The following NUP210 variants were observed in gnomAD, a reference collection of about 807,000 sequenced individuals.
NUP210 encodes the protein nuclear pore membrane glycoprotein 210.
A neutral mutation model predicts 196.0 loss-of-function variants in NUP210; 151 were observed. The observed-to-expected ratio is 0.77, with a 90% CI of 0.67 to 0.88. NUP210 has a LOEUF of 0.88. NUP210 is among the 40% of genes least tolerant of loss of function. The pLI, the probability that NUP210 is intolerant of heterozygous loss-of-function variation, is 0.00. For synonymous variants in NUP210, 1,070 were observed against 1,052.7 expected (o/e 1.02, Z -0.32); for missense variants, 2,314 against 2,493.7 (o/e 0.93, Z 1.53).
chr3:13,388,551 G>GGC (rs1699361632), intron 4 of NUP210, 98 bp from the exon 5 acceptor site: 1 of 1,268,676 alleles, frequency 7.9e-7, no homozygotes. Flanking sequence ...CTCCCACTGG[G>GGC]GCTGATGCTG....
chr3:13,391,080 T>G (rs1699474575), intron 4 of NUP210, 131 bp downstream of exon 4: 2 of 659,798 alleles, frequency 3.0e-6, no homozygotes, highest in Admixed American at 4.5e-5. Flanking sequence ...CTCGGAATGT[T>G]ACGGGCATCC....
rs1407875349 is a variant in NUP210, at chr3:13,350,103, C to G, written c.2835+1776G>C. 6.6e-6 allele frequency among the ~76,000 whole-genome samples: 1 copy of G among 152,098 alleles called. No individual in the cohort carries two copies. The highest frequency in any genetic ancestry group is 2.4e-5 in the African/African-American group (1 of 41,400). On this transcript the variant is annotated intron_variant, in intron 20 of 39. Transcript: ENST00000254508. The surrounding 1 kb of genome is among the most constrained non-coding windows in gnomAD (Gnocchi z 4.1). ...AAGCCCTGCAAAGGCCACAGTCATC[C>G]CAGAGTGACAAAGGACATACCAAGG... is the stretch of plus-strand genomic sequence containing the variant.
At position 13,327,337 on chromosome 3, in the gene NUP210, G is replaced by A; in HGVS notation, c.4387C>T (p.His1463Tyr). 6.2e-7 allele frequency: 1 copy of A among 1,613,398 alleles called. No individual in the cohort carries two copies. Among genetic ancestry groups the A allele is most frequent in the African/African-American group, 1.3e-5 (1 of 75,062 alleles). ...LTLLRVWDAE[H>Y]PGLSDFMPLP... ...GGCATGAAGTCCGAGAGGCCCGGGT[G>A]CTCTGCGTCCCACACACGGAGCAGT... is the stretch of plus-strand genomic sequence containing the variant. Residue 1463 changes from histidine to tyrosine, a missense_variant, in exon 32 of 40, where the codon CAC (histidine) becomes TAC (tyrosine). His to Tyr is a moderately conservative substitution (Grantham distance 83, BLOSUM62 2). Transcript: ENST00000254508.
In NUP210 at chr3:13,325,130, C is replaced by T. The variant is rs1377831170; in HGVS notation, c.4644+665G>A. On this transcript the variant is annotated intron_variant, in intron 33 of 39. Transcript: ENST00000254508. ...CATGCTTCTCCCACACCCTCTGTTCCAGCCCCCGAGGCTCTGCCCTTGAAC... is the reference window on the plus strand; with the variant it reads ...CATGCTTCTCCCACACCCTCTGTTCTAGCCCCCGAGGCTCTGCCCTTGAAC... Among the ~76,000 whole-genome samples the T allele has an allele frequency of 5.9e-5, 9 of 152,186 alleles. No homozygotes were observed. The East Asian group carries it at 1.7e-3, about 29-fold the overall frequency.
chr3:13,379,125 T>C lies in NUP210; in HGVS notation c.977-145A>G, dbSNP rs937559015. ...GAAAACTCCCCTGGCTTAGGCCACG[T>C]AGAGCAAAGGCACTTTTCAGAATCA... is the stretch of plus-strand genomic sequence containing the variant. On this transcript the variant is annotated intron_variant, in intron 7 of 39. Transcript: ENST00000254508. The surrounding 1 kb of genome is among the most constrained non-coding windows in gnomAD (Gnocchi z 4.2). 1.9e-5 allele frequency: 13 copies of C among 702,058 alleles called. No individual in the cohort carries two copies. Among genetic ancestry groups the C allele is most frequent in the Non-Finnish European group, 2.6e-5 (10 of 391,286 alleles). 43.5% of individuals were successfully genotyped at this position (702,058 alleles called of 1,614,324 possible). A position where few individuals can be genotyped will look rare whatever the true frequency, so the allele number is the denominator to read the frequency against.
intron 13 of NUP210, 61 bp from the exon 14 acceptor site, chr3:13,366,152 G>C (rs1190206211): frequency 1.3e-5 from 20 of 1,531,048 alleles, no homozygotes; most frequent in Non-Finnish European, 1.7e-5. Flanking sequence ...TTTTTGAGAT[G>C]GAGTCTCGCT....
intron 1 of NUP210, among the ~76,000 whole-genome samples, chr3:13,405,072 A>C (rs911009129): frequency 6.6e-6 from 1 of 152,152 alleles, no homozygotes; most frequent in Non-Finnish European, 1.5e-5. Context: ...TGTGAGGATT[A>C]ACTTTACATG....
chr3:13,385,172 A>T (rs1025779935), intron 6 of NUP210, among the ~76,000 whole-genome samples: 1 of 152,212 alleles, frequency 6.6e-6, no homozygotes, highest in Non-Finnish European at 1.5e-5. Flanking sequence ...GACTGCTCTC[A>T]GTTGAGCAGG....
chr3:13,397,772 A>G (rs995466910), intron 2 of NUP210, among the ~76,000 whole-genome samples: 12 of 152,220 alleles, frequency 7.9e-5, no homozygotes, highest in African/African-American at 2.9e-4. Context: ...AGTTTCGTTC[A>G]GGGTGTAAGC....
Position 13,396,845 on chromosome 3 carries a change from T to C in NUP210, c.436+512A>G, listed in dbSNP as rs185201824. The stretch of plus-strand genomic sequence containing the variant: ...TTCCAGCCTGGAAACAAGCCCATAT[T>C]TGACTCTGGCAAGGTGAAGATGTGA... On this transcript the variant is annotated intron_variant, in intron 3 of 39. Coordinates refer to ENST00000254508, the MANE Select transcript of NUP210 (RefSeq NM_024923.4). Among the ~76,000 whole-genome samples, 154 of 151,858 alleles carry C rather than the reference T, an allele frequency of 1.0e-3. 1 individual carries two copies. Among genetic ancestry groups the C allele is most frequent in the African/African-American group, 3.6e-3 (147 of 41,358 alleles).
In NUP210 at chr3:13,335,596, G is replaced by C. The variant is rs148884900; in HGVS notation, c.3701C>G (p.Pro1234Arg). 6.2e-7 allele frequency: 1 copy of C among 1,614,054 alleles called. No homozygotes were observed. Among genetic ancestry groups the C allele is most frequent in the Non-Finnish European group, 8.5e-7 (1 of 1,180,008 alleles). The change falls in exon 28 of 40, where the codon CCG becomes CGG. Residue 1234 changes from proline to arginine, a missense_variant. Physicochemically the swap from Pro to Arg is moderately radical, Grantham distance 103. Transcript: ENST00000254508. ...GRHHEASIRL[P>R]SQYNFAMNVL... ...GTTCATGGCAAAGTTGTACTGTGAC[G>C]GGAGTCGGATCGACGCCTGGGAAGA...
At chr3:13,410,926 A>AAAAT (rs1700154855) in intron 1 of NUP210, among the ~76,000 whole-genome samples, 1 of 145,642 alleles carries the variant, frequency 6.9e-6, no homozygotes, top group Non-Finnish European at 1.5e-5. Flanking sequence ...TCAAAAAAAA[A>AAAAT]AAAAAAAAAA....
chr3:13,353,760 C>G lies in NUP210; in HGVS notation c.2522-100G>C. ...TGATTTGCAGTTTCGAATCTGAAAA[C>G]AGACAACTGTGTGTGTTGAAACTAT... On this transcript the variant is annotated intron_variant, in intron 17 of 39. Transcript: ENST00000254508. 7.0e-6 allele frequency: 9 copies of G among 1,281,788 alleles called. No homozygotes were observed. In the Admixed American group the frequency reaches 1.7e-4, roughly 24 times the overall value. 79.4% of individuals were successfully genotyped at this position (1,281,788 alleles called of 1,614,324 possible). A position where few individuals can be genotyped will look rare whatever the true frequency, so the allele number is the denominator to read the frequency against.
chr3:13,354,216 G>A (rs1365747990), intron 16 of NUP210, 109 bp from the exon 17 acceptor site: 3 of 904,692 alleles, frequency 3.3e-6, no homozygotes, highest in Non-Finnish European at 5.1e-6. Flanking sequence ...TCTTGGGGGT[G>A]CTGGTGAGGG....
At chr3:13,419,631 G>A (rs1414834991) in intron 1 of NUP210, among the ~76,000 whole-genome samples, 2 of 152,160 alleles carry the variant, frequency 1.3e-5, no homozygotes, top group African/African-American at 4.8e-5. Flanking sequence ...CACTTCCCAC[G>A]CCAGGGCGAG....
chr3:13,409,441 A>T (rs1177337930), intron 1 of NUP210, among the ~76,000 whole-genome samples: 1 of 152,202 alleles, frequency 6.6e-6, no homozygotes, highest in African/African-American at 2.4e-5. Flanking sequence ...AAAACCTGGA[A>T]GACAGCCTTC....
Position 13,353,580 on chromosome 3 carries a change from G to A in NUP210, c.2602C>T (p.Leu868Phe), listed in dbSNP as rs1355644245. 1.2e-6 allele frequency: 2 copies of A among 1,613,982 alleles called. No homozygotes were observed. Among genetic ancestry groups the A allele is most frequent in the Admixed American group, 3.3e-5 (2 of 60,000 alleles). ...GGCTGCTTTGTTCTGGCAGAGCTGA[G>A]GTGGGACTCCTGGTAGCCAGTGGCA... is the stretch of plus-strand genomic sequence containing the variant. ...ATATGYQESHLSSARTKQPHD... is the reference protein window; with the variant it reads ...ATATGYQESHFSSARTKQPHD... Residue 868 changes from leucine to phenylalanine, a missense_variant, in exon 18 of 40, where the codon CTC (leucine) becomes TTC (phenylalanine). Coordinates refer to ENST00000254508, the MANE Select transcript of NUP210 (RefSeq NM_024923.4).
rs1317497189 is a variant in NUP210, at chr3:13,379,537, A to AACAC, written c.976+22_976+25dup. ...AAACAGCAGCTCCGCCATGCCTAAGAACACACAAGCCCAAGAAAAGGATAT... is the reference window on the plus strand; with the variant it reads ...AAACAGCAGCTCCGCCATGCCTAAGAACACACACACAAGCCCAAGAAAAGGATAT... On this transcript the variant is annotated intron_variant, in intron 7 of 39. Transcript: ENST00000254508. This position sits in a 1 kb window ranked among gnomAD's most constrained non-coding sequence, Gnocchi z 4.2. The AACAC allele has an allele frequency of 1.2e-6, 2 of 1,614,050 alleles. No individual in the cohort carries two copies. Among genetic ancestry groups the AACAC allele is most frequent in the Non-Finnish European group, 1.7e-6 (2 of 1,179,988 alleles).
At chr3:13,321,426 T>C (rs1340120724) in intron 36 of NUP210, among the ~76,000 whole-genome samples, 159 bp downstream of exon 36, 1 of 152,184 alleles carries the variant, frequency 6.6e-6, no homozygotes, top group Non-Finnish European at 1.5e-5. Flanking sequence ...AACAGTGCTA[T>C]GGAAAAAGAA....
Sources: gnomAD v4.1 joint callset for allele counts (sites outside exome capture counted in the v4.1 genomes callset) on GRCh38, gnomAD v4.1.1 for gene constraint, Gnocchi (gnomAD v3.1) non-coding constraint, MANE v1.5 for transcripts, NCBI Gene and HGNC (gene_info 2026-07-23, HGNC 2026-07-21) for gene names.